RALYL: variants seen among roughly 807,000 people sequenced by gnomAD.
RALYL encodes RNA-binding Raly-like protein.
A neutral mutation model predicts 35.1 loss-of-function variants in RALYL; 29 were observed. That is an observed-to-expected ratio of 0.83 (90% CI 0.61 to 1.13). The LOEUF is 1.13. RALYL is among the 50% of genes most tolerant of loss of function. The pLI is 0.00. For synonymous variants in RALYL, 120 were observed against 127.6 expected (o/e 0.94, Z 0.40); for missense variants, 359 against 360.4 (o/e 1.00, Z 0.03).
chr8:84,747,283 G>A (rs898527794), intron 2 of RALYL, among the ~76,000 whole-genome samples: 1 of 151,692 alleles, frequency 6.6e-6, no homozygotes. Flanking sequence ...GTGCTAATAA[G>A]TGTGTGTGGA....
In RALYL at chr8:84,686,563, C is replaced by A. The variant is rs186826365; in HGVS notation, c.257-88016C>A. ...GGGATTACAGGTGCATGCCACCACG[C>A]CCAGCTAATTTTTGTATTTTTAGTA... On this transcript the variant is annotated intron_variant, in intron 2 of 8. Transcript: ENST00000521268. Among the ~76,000 whole-genome samples the A allele has an allele frequency of 4.3e-4, 65 of 152,154 alleles. No individual in the cohort carries two copies. The East Asian group carries it at 0.012, about 28-fold the overall frequency.
chr8:84,650,599 TAGG>T (rs946395718), intron 2 of RALYL, among the ~76,000 whole-genome samples: 12 of 151,822 alleles, frequency 7.9e-5, no homozygotes, highest in Non-Finnish European at 1.5e-5. Flanking sequence ...TGTGGAGAAA[TAGG>T]AGCACTTTTA....
intron 1 of RALYL, among the ~76,000 whole-genome samples, chr8:84,210,888 C>T (rs895815223): frequency 1.1e-4 from 17 of 150,288 alleles, no homozygotes; most frequent in Non-Finnish European, 1.9e-4. Context: ...TGTGTGCTCT[C>T]GGCATTGATG....
At chr8:84,685,348 C>T (rs1057341137) in intron 2 of RALYL, among the ~76,000 whole-genome samples, 7 of 152,014 alleles carry the variant, frequency 4.6e-5, no homozygotes, top group African/African-American at 1.7e-4. Flanking sequence ...TCTATGCCAC[C>T]AGGTGAGGCT....
intron 2 of RALYL, among the ~76,000 whole-genome samples, chr8:84,685,414 C>T (rs898002590): frequency 6.6e-6 from 1 of 152,102 alleles, no homozygotes; most frequent in Non-Finnish European, 1.5e-5. Context: ...CCCCCACCAT[C>T]GTCTCCACTA....
intron 1 of RALYL, among the ~76,000 whole-genome samples, chr8:84,192,487 A>G (rs1814140624): frequency 6.6e-6 from 1 of 152,184 alleles, no homozygotes; most frequent in Non-Finnish European, 1.5e-5. Context: ...TAGAAAACAG[A>G]TGATATTAGC....
chr8:84,780,815 A>G (rs1817978497), intron 3 of RALYL, among the ~76,000 whole-genome samples: 1 of 152,156 alleles, frequency 6.6e-6, no homozygotes, highest in Admixed American at 6.5e-5. Flanking sequence ...TTCAAAGAAA[A>G]CATCTATGAT....
intron 2 of RALYL, among the ~76,000 whole-genome samples, chr8:84,606,306 C>A (rs1024428717): frequency 6.6e-6 from 1 of 152,110 alleles, no homozygotes; most frequent in South Asian, 2.1e-4. Flanking sequence ...TTGAATGAAT[C>A]GTTTTCAGCA....
chr8:84,450,809 A>C (rs2049384219), intron 1 of RALYL, among the ~76,000 whole-genome samples: 1 of 152,068 alleles, frequency 6.6e-6, no homozygotes, highest in Non-Finnish European at 1.5e-5. Context: ...AAAGGGGTGA[A>C]ATTTTCAAAA....
intron 2 of RALYL, among the ~76,000 whole-genome samples, chr8:84,732,605 G>T (rs1191450756): frequency 6.7e-6 from 1 of 149,904 alleles, no homozygotes; most frequent in Non-Finnish European, 1.5e-5. Flanking sequence ...GGTAGTACCT[G>T]AAAAGGATAA....
chr8:84,429,455 G>A (rs1051397721), intron 1 of RALYL, among the ~76,000 whole-genome samples: 2 of 151,626 alleles, frequency 1.3e-5, no homozygotes, highest in African/African-American at 2.4e-5. Flanking sequence ...TTCAATGAGG[G>A]CTGAAACAAA....
At chr8:84,382,398 A>G (rs1376413942) in intron 1 of RALYL, among the ~76,000 whole-genome samples, 1 of 151,732 alleles carries the variant, frequency 6.6e-6, no homozygotes, top group African/African-American at 2.4e-5. Flanking sequence ...ACTGATGCAT[A>G]AAGAAAATGC....
At chr8:84,717,491 A>G (rs962142243) in intron 2 of RALYL, among the ~76,000 whole-genome samples, 19 of 152,154 alleles carry the variant, frequency 1.2e-4, no homozygotes, top group South Asian at 4.2e-4. Flanking sequence ...CCTTGCTTAT[A>G]TGAATATTAA....
At chr8:84,546,239 C>T (rs903776401) in intron 2 of RALYL, among the ~76,000 whole-genome samples, 1 of 152,124 alleles carries the variant, frequency 6.6e-6, no homozygotes, top group African/African-American at 2.4e-5. Context: ...GATTCTACTA[C>T]CTCAGCCTCT....
At chr8:84,704,328 G>A (rs1054991896) in intron 2 of RALYL, among the ~76,000 whole-genome samples, 1 of 152,064 alleles carries the variant, frequency 6.6e-6, no homozygotes, top group Non-Finnish European at 1.5e-5. Flanking sequence ...AGGAGGCTGA[G>A]GCAGGAGAAT....
At chr8:84,246,756 G>T (rs1303703105) in intron 1 of RALYL, among the ~76,000 whole-genome samples, 1 of 152,104 alleles carries the variant, frequency 6.6e-6, no homozygotes, top group Non-Finnish European at 1.5e-5. Flanking sequence ...CACAGTCCAG[G>T]TGTGGTATGT....
chr8:84,566,152 C>A (rs192185846), intron 2 of RALYL, among the ~76,000 whole-genome samples: 18 of 151,562 alleles, frequency 1.2e-4, no homozygotes, highest in African/African-American at 3.1e-4. Context: ...GAATGATGAT[C>A]TTGAATTGCA....
At chr8:84,356,652 T>A (rs1452584048) in intron 1 of RALYL, among the ~76,000 whole-genome samples, 1 of 150,308 alleles carries the variant, frequency 6.7e-6, no homozygotes, top group Non-Finnish European at 1.5e-5. Flanking sequence ...GTGGACTGTT[T>A]AGAAAAGGGG....
chr8:84,300,377 G>A (rs1002674175), intron 1 of RALYL, among the ~76,000 whole-genome samples: 1 of 151,748 alleles, frequency 6.6e-6, no homozygotes, highest in Admixed American at 6.6e-5. Flanking sequence ...GGTTTTTAGA[G>A]TATGTGCCAT....
Sources: allele counts gnomAD v4.1 joint callset (sites outside exome capture counted in the v4.1 genomes callset), GRCh38; gene constraint gnomAD v4.1.1; transcripts MANE v1.5; gene names NCBI Gene and HGNC (gene_info 2026-07-23, HGNC 2026-07-21).